Variants in TAFA2 observed in about 807,000 individuals in gnomAD.
The protein encoded by TAFA2 is TAFA chemokine like family member 2, also known as chemokine-like protein TAFA-2.
In TAFA2, 7 loss-of-function variants were observed where a neutral mutation model predicts 18.8. That is an observed-to-expected ratio of 0.37 (90% CI 0.21 to 0.70). The LOEUF (loss-of-function observed/expected upper bound fraction) is 0.70. Among genes scored for constraint, TAFA2 ranks in the 30% least tolerant of loss-of-function variants. TAFA2 has a pLI of 0.53. For missense variants in TAFA2, 122 were observed against 158.1 expected, an observed-to-expected ratio of 0.77 and a Z score of 1.23; for synonymous variants, 60 against 54.2, an observed-to-expected ratio of 1.11 and a Z score of -0.47.
intron 1 of TAFA2, among the ~76,000 whole-genome samples, chr12:61,989,998 T>A (rs981483679): frequency 6.6e-6 from 1 of 152,154 alleles, no homozygotes; most frequent in African/African-American, 2.4e-5. Context: ...TAATTGAATA[T>A]TGACCCAAAG....
At chr12:61,719,447 C>T (rs1169661831) in intron 4 of TAFA2, among the ~76,000 whole-genome samples, 1 of 152,080 alleles carries the variant, frequency 6.6e-6, no homozygotes, top group Non-Finnish European at 1.5e-5. Context: ...ACACCAATGG[C>T]TCCACCTGGT....
intron 1 of TAFA2, among the ~76,000 whole-genome samples, chr12:61,890,994 GA>G (rs1875606948): frequency 6.6e-6 from 1 of 152,166 alleles, no homozygotes; most frequent in African/African-American, 2.4e-5. Context: ...ATCTGTTTTA[GA>G]AAATCACCAA....
intron 1 of TAFA2, chr12:62,145,482 G>A (rs530201000): frequency 2.4e-4 from 37 of 152,268 alleles, no homozygotes; most frequent in African/African-American, 8.7e-4. Flanking sequence ...TGTCTTCCAC[G>A]AAACCGGAGT....
intron 1 of TAFA2, among the ~76,000 whole-genome samples, chr12:61,906,135 C>T (rs944190985): frequency 5.3e-5 from 8 of 152,234 alleles, no homozygotes; most frequent in African/African-American, 1.9e-4. Context: ...CACATGTAGC[C>T]CACCACACTG....
chr12:61,734,930 TCTCAATCTC>T (rs1415557879), intron 4 of TAFA2, among the ~76,000 whole-genome samples: 4 of 152,048 alleles, frequency 2.6e-5, no homozygotes, highest in Non-Finnish European at 4.4e-5. Context: ...CCTCTTTATG[TCTCAATCTC>T]CTCAACTGTA....
chr12:61,898,763 G>A (rs1875968534), intron 1 of TAFA2, among the ~76,000 whole-genome samples: 1 of 152,188 alleles, frequency 6.6e-6, no homozygotes, highest in Non-Finnish European at 1.5e-5. Flanking sequence ...GTTCCCCATT[G>A]ACTTGATGAT....
intron 4 of TAFA2, among the ~76,000 whole-genome samples, chr12:61,741,851 A>T (rs1868467525): frequency 6.6e-6 from 1 of 152,136 alleles, no homozygotes; most frequent in African/African-American, 2.4e-5. Flanking sequence ...TGAATGAATG[A>T]ACAGACAAGC....
chr12:61,769,269 CAA>C (rs1565627840), intron 2 of TAFA2, among the ~76,000 whole-genome samples: 4 of 151,286 alleles, frequency 2.6e-5, no homozygotes, highest in South Asian at 2.1e-4. Flanking sequence ...CCCCGGTAGT[CAA>C]AGACAGTGGA....
At chr12:61,953,799 A>G (rs1878551468) in intron 1 of TAFA2, among the ~76,000 whole-genome samples, 1 of 152,140 alleles carries the variant, frequency 6.6e-6, no homozygotes, top group Admixed American at 6.6e-5. Context: ...TCACACTAAC[A>G]CAGAGAACTG....
chr12:61,799,893 G>A (rs1195025058), intron 2 of TAFA2, among the ~76,000 whole-genome samples: 1 of 152,130 alleles, frequency 6.6e-6, no homozygotes, highest in Non-Finnish European at 1.5e-5. Flanking sequence ...CTTTATCCAA[G>A]TGGTGGAATT....
intron 1 of TAFA2, among the ~76,000 whole-genome samples, chr12:61,912,415 A>G (rs373475545): frequency 6.6e-6 from 1 of 152,206 alleles, no homozygotes; most frequent in Non-Finnish European, 1.5e-5. Flanking sequence ...TGTGAAAATT[A>G]GTTTCATCTA....
chr12:61,837,043 G>A (rs1317150213), intron 2 of TAFA2, among the ~76,000 whole-genome samples: 1 of 151,304 alleles, frequency 6.6e-6, no homozygotes, highest in Admixed American at 6.6e-5. Context: ...AATTTAGAAA[G>A]TTTTTTAATT....
intron 2 of TAFA2, among the ~76,000 whole-genome samples, chr12:61,772,365 C>G (rs1870069076): frequency 6.6e-6 from 1 of 151,942 alleles, no homozygotes; most frequent in Non-Finnish European, 1.5e-5. Flanking sequence ...GGAATTCTCC[C>G]TAAATCATCC....
intron 1 of TAFA2, among the ~76,000 whole-genome samples, chr12:61,906,717 G>A (rs570853576): frequency 6.6e-6 from 1 of 152,204 alleles, no homozygotes; most frequent in Non-Finnish European, 1.5e-5. Context: ...CTGGAAACTG[G>A]TTGAATGGCT....
chr12:62,081,606 T>A (rs1159751953), intron 1 of TAFA2, among the ~76,000 whole-genome samples: 2 of 152,102 alleles, frequency 1.3e-5, no homozygotes, highest in Admixed American at 1.3e-4. Flanking sequence ...TGCCTCAGCC[T>A]CTCAAGTAGC....
chr12:62,062,565 G>A (rs546243613), intron 1 of TAFA2, among the ~76,000 whole-genome samples: 3 of 152,102 alleles, frequency 2.0e-5, no homozygotes, highest in Non-Finnish European at 4.4e-5. Flanking sequence ...TGCTTGGAAC[G>A]GTATGGAGAC....
intron 1 of TAFA2, among the ~76,000 whole-genome samples, chr12:62,114,673 T>C (rs1473561914): frequency 6.6e-6 from 1 of 152,202 alleles, no homozygotes; most frequent in East Asian, 1.9e-4. Context: ...AGCGTGTCCA[T>C]ATTCCCATTT....
intron 2 of TAFA2, among the ~76,000 whole-genome samples, chr12:61,794,592 G>T (rs575661397): frequency 6.6e-6 from 1 of 151,926 alleles, no homozygotes. Flanking sequence ...TCGATTCACC[G>T]TGTATTTATC....
intron 1 of TAFA2, among the ~76,000 whole-genome samples, chr12:62,153,742 C>T (rs543671641): frequency 2.0e-5 from 3 of 151,776 alleles, no homozygotes; most frequent in South Asian, 2.1e-4. Context: ...GTATAGGATG[C>T]GGAATAAAAA....
Sources: allele counts gnomAD v4.1 joint callset (sites outside exome capture counted in the v4.1 genomes callset), GRCh38; gene constraint gnomAD v4.1.1; transcripts MANE v1.5; gene names NCBI Gene and HGNC (gene_info 2026-07-23, HGNC 2026-07-21).